C11orf65: variants seen among roughly 807,000 people sequenced by gnomAD.
C11orf65 encodes protein MFI.
A neutral mutation model predicts 35.3 loss-of-function variants in C11orf65; 38 were observed. The observed-to-expected ratio is 1.08, with a 90% CI of 0.83 to 1.41. The LOEUF (loss-of-function observed/expected upper bound fraction) is 1.41. Among genes scored for constraint, C11orf65 ranks in the 40% most tolerant of loss-of-function variants. The probability of loss-of-function intolerance (pLI) is 0.00; values close to 1 mark genes in which losing one functional copy is unlikely to be tolerated. For synonymous variants in C11orf65, 105 were observed against 114.4 expected (o/e 0.92, Z 0.53); for missense variants, 370 against 367.1 (o/e 1.01, Z -0.06).
At chr11:108,315,783 T>C (rs770756449) in intron 6 of C11orf65, 1 of 1,535,484 alleles carries the variant, frequency 6.5e-7, no homozygotes, top group Non-Finnish European at 9.0e-7. Flanking sequence ...TAGACCGATT[T>C]TTTTTCCTTC....
chr11:108,351,691 G>A (rs767442939), intron 2 of C11orf65, among the ~76,000 whole-genome samples: 2 of 152,164 alleles, frequency 1.3e-5, no homozygotes, highest in Non-Finnish European at 2.9e-5. Context: ...GAAGGAAGTG[G>A]AAGTTAAGGG....
intron 2 of C11orf65, among the ~76,000 whole-genome samples, chr11:108,354,337 A>AACT (rs2089618312): frequency 6.6e-6 from 1 of 152,106 alleles, no homozygotes; most frequent in Admixed American, 6.6e-5. Context: ...TAATGATCCA[A>AACT]ACTACTATTG....
intron 3 of C11orf65, among the ~76,000 whole-genome samples, chr11:108,424,501 G>A (rs1313766533): frequency 6.6e-6 from 1 of 152,080 alleles, no homozygotes; most frequent in Non-Finnish European, 1.5e-5. Context: ...GGAACACTCA[G>A]ATTCATAAAG....
intron 2 of C11orf65, among the ~76,000 whole-genome samples, chr11:108,376,892 A>C (rs1354260449): frequency 1.3e-5 from 2 of 152,028 alleles, no homozygotes; most frequent in South Asian, 2.1e-4. Flanking sequence ...GAAATGGATA[A>C]ATTCCTCGAC....
chr11:108,324,369 A>G (rs1181359290), intron 6 of C11orf65, among the ~76,000 whole-genome samples: 3 of 152,102 alleles, frequency 2.0e-5, no homozygotes, highest in Admixed American at 6.6e-5. Flanking sequence ...ATTGTTATTT[A>G]TGATATATAG....
chr11:108,415,042 T>C (rs939189789), intron 3 of C11orf65, among the ~76,000 whole-genome samples: 1 of 152,112 alleles, frequency 6.6e-6, no homozygotes, highest in African/African-American at 2.4e-5. Flanking sequence ...TAATTAATAA[T>C]ATCTACAAGA....
chr11:108,389,166 A>G (rs771270211), intron 7 of C11orf65, among the ~76,000 whole-genome samples: 1 of 152,278 alleles, frequency 6.6e-6, no homozygotes, highest in Non-Finnish European at 1.5e-5. Flanking sequence ...AATTCTCTAG[A>G]GGGGACAAAT....
rs730881379 is a variant in C11orf65, at chr11:108,317,427, G to C, written c.641-8356C>G. 1 of 1,612,104 alleles carries C rather than the reference G, an allele frequency of 6.2e-7. No homozygotes were observed. Among genetic ancestry groups the C allele is most frequent in the Non-Finnish European group, 8.5e-7 (1 of 1,179,162 alleles). ...TCTTTCCGTCTATTTAAAAGGATTG[G>C]ATTATGAAAATAAAGACTGGTGTCC... On this transcript the variant is annotated intron_variant, in intron 6 of 6. Transcript: ENST00000525729.
intron 3 of C11orf65, among the ~76,000 whole-genome samples, chr11:108,423,236 A>C (rs1214173718): frequency 6.6e-6 from 1 of 151,890 alleles, no homozygotes; most frequent in Non-Finnish European, 1.5e-5. Context: ...AGACAGACCC[A>C]TTCACTCCCC....
At chr11:108,430,594 A>T (rs1424087330) in intron 3 of C11orf65, among the ~76,000 whole-genome samples, 2 of 152,126 alleles carry the variant, frequency 1.3e-5, no homozygotes, top group Non-Finnish European at 2.9e-5. Context: ...CTGTAATCCC[A>T]GCACTTTGGG....
chr11:108,389,375 GGC>G (rs2092092171), intron 7 of C11orf65, among the ~76,000 whole-genome samples: 1 of 152,170 alleles, frequency 6.6e-6, no homozygotes, highest in Admixed American at 6.5e-5. Flanking sequence ...CAGTGCTTGT[GGC>G]CAAGTAGTGC....
rs1297586575 is a variant in C11orf65, at chr11:108,326,155, A to G, written c.641-17084T>C. 1.2e-6 allele frequency: 2 copies of G among 1,614,184 alleles called. No individual in the cohort carries two copies. The highest frequency in any genetic ancestry group is 2.7e-5 in the African/African-American group (2 of 75,040). On this transcript the variant is annotated intron_variant, in intron 6 of 6. Transcript: ENST00000525729. ...GAAGAAGCACAAGTATTCTGGGCAA[A>G]AAAGGAGCAGAGTCTTGCCCTGAGT...
chr11:108,357,069 CGCAGGTCAGTGGGT>C (rs1565587887), intron 2 of C11orf65, among the ~76,000 whole-genome samples: 1 of 152,194 alleles, frequency 6.6e-6, no homozygotes, highest in African/African-American at 2.4e-5. Context: ...AGACAGTGGG[CGCAGGTCAGTGGGT>C]GCACGCACTG....
chr11:108,391,876 T>C (rs1282804290), intron 7 of C11orf65, among the ~76,000 whole-genome samples: 1 of 152,170 alleles, frequency 6.6e-6, no homozygotes, highest in African/African-American at 2.4e-5. Context: ...TTCTTTCACT[T>C]AGCAGATTCA....
At chr11:108,439,837 C>A (rs2093122173) in intron 2 of C11orf65, among the ~76,000 whole-genome samples, 1 of 151,960 alleles carries the variant, frequency 6.6e-6, no homozygotes, top group Admixed American at 6.6e-5. Flanking sequence ...TTAATGGGTA[C>A]ATGAGGTTTT....
At chr11:108,319,895 A>G (rs924635213) in intron 6 of C11orf65, 19 of 1,196,390 alleles carry the variant, frequency 1.6e-5, no homozygotes, top group African/African-American at 1.2e-4. Context: ...AGCTATTTAT[A>G]CATGTATATC....
rs148293221 is a variant in C11orf65, at chr11:108,339,515, C to G, written c.227-4223G>C. Among the ~76,000 whole-genome samples, 237 of 152,184 alleles carry G rather than the reference C, an allele frequency of 1.6e-3. 2 individuals carry two copies. Among genetic ancestry groups the G allele is most frequent in the Non-Finnish European group, 2.1e-3 (144 of 67,988 alleles). On this transcript the variant is annotated intron_variant, in intron 2 of 3. Coordinates refer to the C11orf65 transcript ENST00000524755. ...TTCAGAGAACTGAGAAAATAGTCAT[C>G]AGTCCTTTTTTGTGGTATTCACACA...
chr11:108,385,496 C>T (rs7110911), intron 8 of C11orf65, among the ~76,000 whole-genome samples: 2,921 of 152,208 alleles, frequency 0.019, 92 homozygotes, highest in African/African-American at 0.066. Flanking sequence ...TCCCGGCTAA[C>T]ACAGTGAAAC....
chr11:108,437,252 A>G (rs2093074802), intron 2 of C11orf65, among the ~76,000 whole-genome samples: 2 of 152,040 alleles, frequency 1.3e-5, no homozygotes, highest in African/African-American at 2.4e-5. Flanking sequence ...GCACCACTGC[A>G]CTCCAGCCTG....
Sources: allele counts gnomAD v4.1 joint callset (sites outside exome capture counted in the v4.1 genomes callset), GRCh38; gene constraint gnomAD v4.1.1; transcripts MANE v1.5; gene names NCBI Gene and HGNC (gene_info 2026-07-23, HGNC 2026-07-21).